POU3F3: variants seen among roughly 807,000 people sequenced by gnomAD.
POU3F3 encodes POU domain, class 3, transcription factor 3.
POU3F3 carries 1 observed loss-of-function variant against 8.6 expected under a neutral mutation model. The observed-to-expected ratio is 0.12, with a 90% confidence interval of 0.04 to 0.55. POU3F3 has a LOEUF of 0.55. POU3F3 is among the 20% of genes least tolerant of loss of function. The pLI is 0.91. For missense variants in POU3F3, 577 were observed against 690.7 expected (o/e 0.84, Z 1.84); for synonymous variants, 418 against 327.4 (o/e 1.28, Z -2.99).
At chr2:104,862,205 C>G (rs1676667401), downstream of POU3F3, among the ~76,000 whole-genome samples, 2 of 152,192 alleles carry the variant, frequency 1.3e-5, no homozygotes, top group African/African-American at 4.8e-5. Flanking sequence ...GGCCGCCTGG[C>G]CTTCTGGCGG....
At chr2:104,908,630 G>C in the POU3F3 span, among the ~76,000 whole-genome samples, 1 of 152,172 alleles carries the variant, frequency 6.6e-6, no homozygotes, top group Non-Finnish European at 1.5e-5. Context: ...GAGAAGCTGA[G>C]ATCAACTCTA....
rs1180092845 is a variant in POU3F3, at chr2:104,856,678, A to T, written c.1168A>T (p.Ser390Cys). The T allele has an allele frequency of 6.2e-7, 1 of 1,614,148 alleles. No individual in the cohort carries two copies. Among genetic ancestry groups the T allele is most frequent in the Non-Finnish European group, 8.5e-7 (1 of 1,180,030 alleles). The change falls in exon 1 of 1, where the codon AGC becomes TGC. Residue 390 changes from serine (S) to cysteine (C), a missense_variant. By Grantham distance (112) the Ser-to-Cys change is moderately radical (BLOSUM62 -1). Around this residue, in one of 7 missense-constraint regions of POU3F3, gnomAD observed 15 missense variants for 17.1 expected, o/e 0.88. Coordinates refer to ENST00000361360, the MANE Select transcript of POU3F3 (RefSeq NM_006236.3). Reference sequence around the variant, plus strand: ...CAAGTGGCTGGAGGAGGCGGACTCAAGCACCGGCAGCCCCACAAGCATCGA... The same window carrying T: ...CAAGTGGCTGGAGGAGGCGGACTCATGCACCGGCAGCCCCACAAGCATCGA... The part of the protein sequence containing the change: ...LNKWLEEADS[S>C]TGSPTSIDKI...
At chr2:104,882,688 G>C in the POU3F3 span, among the ~76,000 whole-genome samples, 1 of 152,106 alleles carries the variant, frequency 6.6e-6, no homozygotes, top group African/African-American at 2.4e-5. Context: ...AACATTGATG[G>C]TCAGAGTAAT....
At chr2:104,862,516 C>A (rs1443325935), downstream of POU3F3, among the ~76,000 whole-genome samples, 1 of 144,024 alleles carries the variant, frequency 6.9e-6, no homozygotes, top group African/African-American at 2.5e-5. Context: ...CCGAGGCAGC[C>A]GGGCGTCCAA....
In POU3F3 at chr2:104,856,442, A is replaced by C. The variant is rs1420443790; in HGVS notation, c.932A>C (p.His311Pro). The change falls in exon 1 of 1, where the codon CAC becomes CCC. Residue 311 changes from histidine to proline, a missense_variant. Physicochemically the swap from His to Pro is moderately conservative, Grantham distance 77. Transcript: ENST00000361360. ...AGPGLNSHDP[H>P]SDEDTPTSDD... ...CCTGGACTCAACAGCCACGACCCGCACTCGGACGAGGACACGCCGACGTCG... is the reference window on the plus strand; with the variant it reads ...CCTGGACTCAACAGCCACGACCCGCCCTCGGACGAGGACACGCCGACGTCG... The C allele has an allele frequency of 1.9e-6, 3 of 1,611,638 alleles. No homozygotes were observed. The highest frequency in any genetic ancestry group is 2.5e-6 in the Non-Finnish European group (3 of 1,179,536).
the POU3F3 span, among the ~76,000 whole-genome samples, chr2:104,886,028 C>T: frequency 3.9e-5 from 6 of 152,126 alleles, no homozygotes; most frequent in Non-Finnish European, 7.4e-5. Flanking sequence ...AACTCCTGAC[C>T]TCAGATGATC....
chr2:104,861,282 T>G (rs1033674876), downstream of POU3F3, among the ~76,000 whole-genome samples: 1 of 152,222 alleles, frequency 6.6e-6, no homozygotes, highest in Non-Finnish European at 1.5e-5. Context: ...ACATGGAGTT[T>G]AGTTTGCCCA....
chr2:104,909,372 A>G, the POU3F3 span, among the ~76,000 whole-genome samples: 4 of 152,248 alleles, frequency 2.6e-5, no homozygotes, highest in Non-Finnish European at 5.9e-5. Flanking sequence ...GAAAAGACCC[A>G]CAAATGGTAC....
At chr2:104,920,933 A>T in the POU3F3 span, among the ~76,000 whole-genome samples, 1 of 152,086 alleles carries the variant, frequency 6.6e-6, no homozygotes, top group Admixed American at 6.5e-5. Flanking sequence ...CCCCACATTC[A>T]TGTTCCAAGC....
the POU3F3 span, among the ~76,000 whole-genome samples, chr2:104,881,645 A>T: frequency 6.6e-6 from 1 of 152,226 alleles, no homozygotes; most frequent in Admixed American, 6.5e-5. Context: ...TTTTCATTAG[A>T]CATAGACATA....
chr2:104,899,505 G>C, the POU3F3 span, among the ~76,000 whole-genome samples: 50,009 of 151,990 alleles, frequency 0.33, 8,436 homozygotes, highest in Non-Finnish European at 0.38. Flanking sequence ...ATGGGTTTGT[G>C]TGGGGCTGGA....
downstream of POU3F3, among the ~76,000 whole-genome samples, chr2:104,862,210 T>C (rs1006237325): frequency 1.3e-5 from 2 of 152,218 alleles, no homozygotes. Flanking sequence ...CCTGGCCTTC[T>C]GGCGGGCTGT....
At chr2:104,872,793 C>T in the POU3F3 span, among the ~76,000 whole-genome samples, 2 of 152,226 alleles carry the variant, frequency 1.3e-5, no homozygotes, top group Non-Finnish European at 2.9e-5. The surrounding 1 kb of genome is among the most constrained non-coding windows in gnomAD (Gnocchi z 4.6). Flanking sequence ...AGACGCATCC[C>T]TTCTTGACAG....
At chr2:104,873,313 G>A in the POU3F3 span, among the ~76,000 whole-genome samples, 1 of 152,156 alleles carries the variant, frequency 6.6e-6, no homozygotes, top group Non-Finnish European at 1.5e-5. Context: ...GCTTGAGCCC[G>A]CGGCCGGGTC....
At chr2:104,860,979 C>T (rs897006891), downstream of POU3F3, among the ~76,000 whole-genome samples, 6 of 151,164 alleles carry the variant, frequency 4.0e-5, no homozygotes, top group Admixed American at 2.6e-4. Flanking sequence ...ATAGTTTTAT[C>T]GATAAGTGTA....
the POU3F3 span, among the ~76,000 whole-genome samples, chr2:104,873,254 G>C: frequency 1.1e-3 from 169 of 152,276 alleles, no homozygotes; most frequent in African/African-American, 3.8e-3. Flanking sequence ...CGCACGTCCG[G>C]GACCCCTTTC....
the POU3F3 span, among the ~76,000 whole-genome samples, chr2:104,914,896 G>A: frequency 1.3e-5 from 2 of 152,328 alleles, no homozygotes; most frequent in Non-Finnish European, 2.9e-5. Flanking sequence ...GGACATTTCA[G>A]GGCTAGAGTG....
chr2:104,925,764 C>T, the POU3F3 span, among the ~76,000 whole-genome samples: 1 of 152,344 alleles, frequency 6.6e-6, no homozygotes, highest in East Asian at 1.9e-4. Flanking sequence ...TGAACTTTCA[C>T]TCTGACAGAA....
At chr2:104,880,138 A>G in the POU3F3 span, among the ~76,000 whole-genome samples, 1 of 152,024 alleles carries the variant, frequency 6.6e-6, no homozygotes, top group South Asian at 2.1e-4. Context: ...TGTGGTTCAA[A>G]TTTAAGTTTC....
Sources: gnomAD v4.1 joint callset for allele counts (sites outside exome capture counted in the v4.1 genomes callset) on GRCh38, gnomAD v4.1.1 for gene constraint, gnomAD v4.1.1 regional missense constraint, Gnocchi (gnomAD v3.1) non-coding constraint, MANE v1.5 for transcripts, NCBI Gene and HGNC (gene_info 2026-07-23, HGNC 2026-07-21) for gene names.